AOX1: variants seen among roughly 807,000 people sequenced by gnomAD.
AOX1 encodes the protein aldehyde oxidase.
Under a neutral mutation model 169.5 loss-of-function variants are expected in AOX1, and 153 were observed. The ratio of observed to expected loss-of-function variants is 0.90; its 90% CI spans 0.79 to 1.03. AOX1 has a LOEUF of 1.03. Among genes scored for constraint, AOX1 ranks in the 50% least tolerant of loss-of-function variants. The probability of loss-of-function intolerance (pLI) is 0.00; values close to 1 mark genes in which losing one functional copy is unlikely to be tolerated. For synonymous variants in AOX1, 562 were observed against 581.9 expected (o/e 0.97, Z 0.49); for missense variants, 1,656 against 1,663.9 (o/e 1.00, Z 0.08).
At chr2:200,615,496 C>T (rs749586572) in intron 15 of AOX1, among the ~76,000 whole-genome samples, 4 of 152,178 alleles carry the variant, frequency 2.6e-5, no homozygotes, top group Admixed American at 2.0e-4. Flanking sequence ...TGTAGGGCAG[C>T]GACAGGGATG....
At chr2:200,682,070 T>G in the AOX1 span, among the ~76,000 whole-genome samples, 8 of 152,208 alleles carry the variant, frequency 5.3e-5, no homozygotes, top group Non-Finnish European at 7.3e-5. Flanking sequence ...CTTAAGACTT[T>G]AAAAATGATA....
At chr2:200,663,183 C>T (rs763366219) in intron 31 of AOX1, among the ~76,000 whole-genome samples, 37 of 152,098 alleles carry the variant, frequency 2.4e-4, no homozygotes, top group Non-Finnish European at 4.4e-4. Flanking sequence ...GTCTTTATTT[C>T]CCTGGCCCTT....
intron 1 of AOX1, among the ~76,000 whole-genome samples, chr2:200,587,156 G>A (rs1574899666): frequency 6.6e-6 from 1 of 151,822 alleles, no homozygotes. Flanking sequence ...AACCGGTGTG[G>A]TGGTGCGTGC....
chr2:200,612,461 C>T, intron 13 of AOX1, 148 bp from the exon 14 acceptor site: 3 of 724,478 alleles, frequency 4.1e-6, no homozygotes, highest in Non-Finnish European at 7.1e-6. Flanking sequence ...GTAGGTGATG[C>T]TCAACACACA....
intron 25 of AOX1, among the ~76,000 whole-genome samples, chr2:200,646,207 C>A (rs1275135008): frequency 6.6e-6 from 1 of 152,156 alleles, no homozygotes; most frequent in East Asian, 1.9e-4. Flanking sequence ...GGGCTATGAA[C>A]TTTCCTCTTA....
downstream of AOX1, chr2:200,678,232 T>C (rs2036124794): frequency 6.6e-6 from 1 of 152,222 alleles, no homozygotes; most frequent in Admixed American, 6.5e-5. Flanking sequence ...TACTTAACTT[T>C]TCAAATTTGA....
Position 200,599,715 on chromosome 2 carries a change from C to G in AOX1, c.405C>G (p.Pro135=). Residue 135 remains proline, a synonymous_variant, in exon 5 of 35, where the codon CCC becomes CCG. Coordinates refer to ENST00000374700, the MANE Select transcript of AOX1 (RefSeq NM_001159.4). The part of the protein sequence containing the change: ...IYTLLRNHPE[P]TLDQLTDALG... ...CGCTGCTCAGGAACCACCCAGAGCC[C>G]ACTCTGGATCAGTTAACTGATGCCC... 1 of 1,606,744 alleles carries G rather than the reference C, an allele frequency of 6.2e-7. No individual in the cohort carries two copies. The highest frequency in any genetic ancestry group is 8.5e-7 in the Non-Finnish European group (1 of 1,175,680).
chr2:200,660,341 T>G (rs2035796250), intron 29 of AOX1, among the ~76,000 whole-genome samples: 1 of 152,220 alleles, frequency 6.6e-6, no homozygotes, highest in Non-Finnish European at 1.5e-5. Flanking sequence ...TAATTAATGT[T>G]TCATCCTATG....
Position 200,623,996 on chromosome 2 carries a change from G to C in AOX1, c.2124+13G>C. 1 of 1,612,544 alleles carries C rather than the reference G, an allele frequency of 6.2e-7. No individual in the cohort carries two copies. Among genetic ancestry groups the C allele is most frequent in the Non-Finnish European group, 8.5e-7 (1 of 1,178,646 alleles). On this transcript the variant is annotated intron_variant, in intron 19 of 34. Transcript: ENST00000374700. ...ACTAACAATTGAGGTAATGAGTTCT[G>C]TGGAATGGTGGTGCCAGTTGGGAGC...
chr2:200,650,618 C>T (rs754682382), intron 25 of AOX1, among the ~76,000 whole-genome samples: 33 of 152,080 alleles, frequency 2.2e-4, no homozygotes, highest in Non-Finnish European at 4.1e-4. Context: ...GGGAGTAATC[C>T]AAATCATGTG....
At chr2:200,621,013 C>A in intron 17 of AOX1, 107 bp from the exon 18 acceptor site, 2 of 1,408,460 alleles carry the variant, frequency 1.4e-6, no homozygotes, top group South Asian at 1.4e-5. Context: ...AATTGTCTGG[C>A]AGAGACTGTT....
At chr2:200,586,195 A>G (rs1486415149) in intron 1 of AOX1, 42 bp downstream of exon 1, 4 of 1,531,120 alleles carry the variant, frequency 2.6e-6, no homozygotes, top group Non-Finnish European at 3.5e-6. Flanking sequence ...ACCTGCGGCC[A>G]GGGCCGGGGC....
chr2:200,676,081 C>T (rs569881023), downstream of AOX1, among the ~76,000 whole-genome samples: 3 of 152,106 alleles, frequency 2.0e-5, no homozygotes, highest in African/African-American at 7.2e-5. Context: ...GAATCTGATA[C>T]TAGTTTCCTT....
chr2:200,643,507 TA>T (rs1203151324), intron 25 of AOX1, among the ~76,000 whole-genome samples: 5 of 152,186 alleles, frequency 3.3e-5, no homozygotes, highest in Non-Finnish European at 7.4e-5. Context: ...TGAATTGTGC[TA>T]CTATAAACAT....
chr2:200,642,680 C>A lies in AOX1; in HGVS notation c.2726C>A (p.Ala909Glu), dbSNP rs1366304226. The A allele has an allele frequency of 6.2e-7, 1 of 1,613,984 alleles. No individual in the cohort carries two copies. The highest frequency in any genetic ancestry group is 8.5e-7 in the Non-Finnish European group (1 of 1,179,984). The change falls in exon 25 of 35, where the codon GCA becomes GAA. Residue 909 changes from alanine (A) to glutamate (E), a missense_variant. Coordinates refer to ENST00000374700, the MANE Select transcript of AOX1 (RefSeq NM_001159.4). ...CCCAATCTCCGCTGCCGGGGTTGGG[C>A]ATGCAGAACCAACCTTCCATCCAAC... ...KFPNLRCRGW[A>E]CRTNLPSNTA...
intron 25 of AOX1, among the ~76,000 whole-genome samples, chr2:200,648,921 G>A (rs2035521244): frequency 6.6e-6 from 1 of 152,026 alleles, no homozygotes; most frequent in Non-Finnish European, 1.5e-5. Context: ...CAGAAGGGTT[G>A]GTCTCACTCC....
At chr2:200,640,005 C>G (rs557572149) in intron 23 of AOX1, among the ~76,000 whole-genome samples, 1 of 149,566 alleles carries the variant, frequency 6.7e-6, no homozygotes, top group East Asian at 2.0e-4. Flanking sequence ...CCACTGCACT[C>G]CAGCCCGGGT....
intron 20 of AOX1, among the ~76,000 whole-genome samples, chr2:200,630,400 G>A (rs2035093069): frequency 6.6e-6 from 1 of 151,756 alleles, no homozygotes; most frequent in Admixed American, 6.6e-5. Flanking sequence ...ACAAACACCT[G>A]TAATCCCAGC....
chr2:200,657,190 A>ATATATTTTTTTTT, intron 27 of AOX1, among the ~76,000 whole-genome samples: 2 of 62,882 alleles, frequency 3.2e-5, no homozygotes, highest in African/African-American at 1.6e-4. Flanking sequence ...ATATATATAT[A>ATATATTTTTTTTT]TTTTTTTTTT....
Sources: gnomAD v4.1 joint callset for allele counts (sites outside exome capture counted in the v4.1 genomes callset) on GRCh38, gnomAD v4.1.1 for gene constraint, MANE v1.5 for transcripts, NCBI Gene and HGNC (gene_info 2026-07-23, HGNC 2026-07-21) for gene names.